LRP2: variants seen among roughly 807,000 people sequenced by gnomAD.
LRP2 encodes the protein LDL receptor related protein 2.
LRP2 carries 172 observed loss-of-function variants against 531.0 expected under a neutral mutation model. The observed-to-expected ratio is 0.32, with a 90% CI of 0.29 to 0.37. The LOEUF is 0.37. Ranked by LOEUF, LRP2 falls within the 10% of genes least tolerant of loss-of-function variation. The pLI, the probability that LRP2 is intolerant of heterozygous loss-of-function variation, is 1.00. For missense variants in LRP2, 5,167 were observed against 5,868.3 expected (o/e 0.88, Z 3.90); for synonymous variants, 1,992 against 2,027.6 (o/e 0.98, Z 0.47).
intron 1 of LRP2, among the ~76,000 whole-genome samples, chr2:169,327,794 G>A (rs1307025106): frequency 7.3e-5 from 8 of 110,190 alleles, no homozygotes; most frequent in Admixed American, 8.0e-5. Flanking sequence ...CGCCCCGTCT[G>A]GGAGGTGAGG....
At chr2:169,314,020 T>C (rs1574248280) in intron 3 of LRP2, among the ~76,000 whole-genome samples, 1 of 152,196 alleles carries the variant, frequency 6.6e-6, no homozygotes, top group East Asian at 1.9e-4. Context: ...AGTATAGATA[T>C]TTAGGTTCAG....
chr2:169,278,095 G>T lies in LRP2; in HGVS notation c.1566-144C>A, dbSNP rs77981563. 0.073 allele frequency: 41,141 copies of T among 562,398 alleles called. 1,344 individuals carry two copies. Among genetic ancestry groups the T allele is most frequent in the African/African-American group, 0.12 (6,331 of 51,306 alleles). The allele number at this position is 562,398 out of a possible 1,614,324, so 34.8% of individuals were successfully genotyped here. On this transcript the variant is annotated intron_variant, in intron 12 of 78. Coordinates refer to ENST00000649046, the MANE Select transcript of LRP2 (RefSeq NM_004525.3). ...TATAAAACAACAGGGAAATTAAGTT[G>T]TTTTTTTTTTTTAAAGAGACTGTGG...
At chr2:169,151,376 G>A (rs10198527) in intron 67 of LRP2, among the ~76,000 whole-genome samples, 6,862 of 152,094 alleles carry the variant, frequency 0.045, 194 homozygotes, top group African/African-American at 0.087. Flanking sequence ...TGGATTGCTC[G>A]TCCCCAAGAT....
intron 1 of LRP2, among the ~76,000 whole-genome samples, chr2:169,325,452 G>T (rs1440654270): frequency 6.6e-6 from 1 of 152,108 alleles, no homozygotes; most frequent in Non-Finnish European, 1.5e-5. Flanking sequence ...ACTTAATTTT[G>T]ATTCCTTTGG....
intron 1 of LRP2, among the ~76,000 whole-genome samples, chr2:169,343,497 C>A (rs1218727557): frequency 6.6e-6 from 1 of 152,142 alleles, no homozygotes; most frequent in Non-Finnish European, 1.5e-5. Flanking sequence ...CCCTGTGGGG[C>A]CAAATGTTTA....
chr2:169,311,120 T>C (rs926550603), intron 3 of LRP2, among the ~76,000 whole-genome samples: 8 of 152,212 alleles, frequency 5.3e-5, no homozygotes, highest in Admixed American at 2.0e-4. Flanking sequence ...CCTAGTGGTC[T>C]ATCAATTTTG....
Position 169,279,422 on chromosome 2 carries a change from T to C in LRP2, c.1515A>G (p.Ile505Met). ...NLDGSYRVTL[I>M]TENLGHPRGI... ...CTCTAGGATGCCCCAAGTTTTCAGTTATAAGGGTAACCCGATAGCTTCCAT... is the reference window on the plus strand; with the variant it reads ...CTCTAGGATGCCCCAAGTTTTCAGTCATAAGGGTAACCCGATAGCTTCCAT... Residue 505 changes from isoleucine (I) to methionine (M), a missense_variant, in exon 12 of 79, where the codon ATA becomes ATG. This residue lies in a region of LRP2 where 2,811 missense variants were observed against 3,058.0 expected (regional missense o/e 0.92). Coordinates refer to ENST00000649046, the MANE Select transcript of LRP2 (RefSeq NM_004525.3). 2 of 1,614,090 alleles carry C rather than the reference T, an allele frequency of 1.2e-6. No homozygotes were observed. Among genetic ancestry groups the C allele is most frequent in the Non-Finnish European group, 1.7e-6 (2 of 1,179,996 alleles).
At chr2:169,169,839 T>C (rs1347635197) in intron 59 of LRP2, 21 bp from the exon 60 acceptor site, 1 of 1,518,658 alleles carries the variant, frequency 6.6e-7, no homozygotes, top group East Asian at 2.3e-5. Flanking sequence ...AAGATTGTCA[T>C]TCCGAGAAGG....
intron 4 of LRP2, among the ~76,000 whole-genome samples, chr2:169,303,644 T>C (rs764101480): frequency 1.3e-5 from 2 of 152,184 alleles, no homozygotes; most frequent in Non-Finnish European, 2.9e-5. Flanking sequence ...AACAAAAGAA[T>C]AAGAAGTTTC....
At chr2:169,331,396 G>A (rs1304725562) in intron 1 of LRP2, among the ~76,000 whole-genome samples, 1 of 152,182 alleles carries the variant, frequency 6.6e-6, no homozygotes, top group African/African-American at 2.4e-5. Flanking sequence ...AAAACTTCCT[G>A]TTAGCCAGCA....
At chr2:169,278,470 C>T (rs1271338557) in intron 12 of LRP2, among the ~76,000 whole-genome samples, 2 of 151,850 alleles carry the variant, frequency 1.3e-5, no homozygotes, top group Non-Finnish European at 2.9e-5. Flanking sequence ...GGCAACAGAG[C>T]AAGAACCTGT....
At chr2:169,198,030 T>C (rs557470195) in intron 45 of LRP2, among the ~76,000 whole-genome samples, 1 of 152,336 alleles carries the variant, frequency 6.6e-6, no homozygotes, top group South Asian at 2.1e-4. Context: ...ATTTGAGCTA[T>C]AAATACAGGA....
At chr2:169,323,652 A>T (rs1406797833) in intron 1 of LRP2, among the ~76,000 whole-genome samples, 1 of 151,826 alleles carries the variant, frequency 6.6e-6, no homozygotes, top group East Asian at 1.9e-4. Flanking sequence ...AGCTAAGGGG[A>T]TGATTTCATA....
At chr2:169,326,143 TCCCTCTCCCTCTCCCTCTCCCTCTCCCTC>T (rs1309019047) in intron 1 of LRP2, among the ~76,000 whole-genome samples, 1,578 of 71,388 alleles carry the variant, frequency 0.022, 52 homozygotes, top group Non-Finnish European at 0.033. Context: ...CCTCTCCCTC[TCCCTCTCCCTCTCCCTCTCCCTCTCCCTC>T]CCCCTCTCCC....
intron 22 of LRP2, 150 bp downstream of exon 22, chr2:169,244,543 C>A: frequency 1.9e-6 from 2 of 1,054,988 alleles, no homozygotes; most frequent in Non-Finnish European, 2.9e-6. Flanking sequence ...GTTCTTGTAA[C>A]CTATTGACAC....
Position 169,294,697 on chromosome 2 carries a change from A to G in LRP2, c.441T>C (p.Cys147=). 3 of 1,346,540 alleles carry G rather than the reference A, an allele frequency of 2.2e-6. No homozygotes were observed. Among genetic ancestry groups the G allele is most frequent in the Non-Finnish European group, 2.1e-6 (2 of 949,786 alleles). 83.4% of individuals were successfully genotyped at this position (1,346,540 alleles called of 1,614,324 possible). A position where few individuals can be genotyped will look rare whatever the true frequency, so the allele number is the denominator to read the frequency against. ...ADENDCQYPT[C]EQLTCDNGAC... The stretch of plus-strand genomic sequence containing the variant: ...CCCCATTGTCACAAGTAAGCTGCTC[A>G]CATGTTGGGTACTCTATTGTAAAAA... The change falls in exon 5 of 79, where the codon TGT becomes TGC. Residue 147 remains cysteine, a synonymous_variant. Transcript: ENST00000649046.
At chr2:169,316,698 A>G (rs750737873) in intron 3 of LRP2, among the ~76,000 whole-genome samples, 2 of 152,178 alleles carry the variant, frequency 1.3e-5, no homozygotes, top group Non-Finnish European at 2.9e-5. Context: ...TTGTAAACAC[A>G]GATTTAAGTC....
chr2:169,151,280 A>G (rs1161178889), intron 67 of LRP2, among the ~76,000 whole-genome samples: 2 of 152,200 alleles, frequency 1.3e-5, no homozygotes, highest in Non-Finnish European at 2.9e-5. Flanking sequence ...AGGATCCACA[A>G]TGGAATTAAC....
At chr2:169,136,158 T>C (rs1274439475) in intron 76 of LRP2, among the ~76,000 whole-genome samples, 1 of 152,188 alleles carries the variant, frequency 6.6e-6, no homozygotes, top group African/African-American at 2.4e-5. Flanking sequence ...CCAATAATTC[T>C]ACACGACAAA....
Sources: gnomAD v4.1 joint callset for allele counts (sites outside exome capture counted in the v4.1 genomes callset) on GRCh38, gnomAD v4.1.1 for gene constraint, gnomAD v4.1.1 regional missense constraint, MANE v1.5 for transcripts, NCBI Gene and HGNC (gene_info 2026-07-23, HGNC 2026-07-21) for gene names.